The following MUC3A variants were observed in gnomAD, a reference collection of about 807,000 sequenced individuals.
MUC3A encodes the protein mucin 3A, cell surface associated.
In MUC3A, 109 loss-of-function variants were observed where a neutral mutation model predicts 109.0. The observed-to-expected ratio is 1.00, with a 90% CI of 0.86 to 1.17. The LOEUF (loss-of-function observed/expected upper bound fraction) is 1.17. Among genes scored for constraint, MUC3A ranks in the 50% most tolerant of loss-of-function variants. The probability of loss-of-function intolerance (pLI) is 0.00; values close to 1 mark genes in which losing one functional copy is unlikely to be tolerated. For missense variants in MUC3A, 3,537 were observed against 2,469.4 expected, an observed-to-expected ratio of 1.43 and a Z score of -9.16; for synonymous variants, 1,398 against 981.4, an observed-to-expected ratio of 1.42 and a Z score of -7.93.
intron 6 of MUC3A, 169 bp downstream of exon 6, chr7:100,965,012 G>T (rs761067093): frequency 8.4e-6 from 10 of 1,191,392 alleles, no homozygotes; most frequent in Non-Finnish European, 1.1e-5. Context: ...GCTAGGGAGG[G>T]TCTCCCCGTG....
At position 100,959,781 on chromosome 7, in the gene MUC3A, A is replaced by G; in HGVS notation, c.8002A>G (p.Thr2668Ala). ...TACAGAATCTTTCACTAGGGGAAGT[A>G]CGTCTACAAATGCAATCTTGACTTC... ...FTTESFTRGS[T>A]STNAILTSFS... The change falls in exon 2 of 12, where the codon ACG (threonine) becomes GCG (alanine). Residue 2668 changes from threonine to alanine, a missense_variant. Coordinates refer to ENST00000379458, the MANE Select transcript of MUC3A (RefSeq NM_005960.2). 6.3e-7 allele frequency: 1 copy of G among 1,597,142 alleles called. No individual in the cohort carries two copies. Among genetic ancestry groups the G allele is most frequent in the Non-Finnish European group, 8.5e-7 (1 of 1,179,054 alleles).
intron 3 of MUC3A, among the ~76,000 whole-genome samples, chr7:100,962,797 T>TTCTCTCTC (rs67170949): frequency 1.8e-4 from 26 of 143,316 alleles, no homozygotes; most frequent in Non-Finnish European, 3.2e-4. Context: ...CTTTCTTTCT[T>TTCTCTCTC]TCTCTCTCTC....
In MUC3A at chr7:100,965,991, C is replaced by G; in HGVS notation, c.9611+125C>G. 4 of 1,388,662 alleles carry G rather than the reference C, an allele frequency of 2.9e-6. No homozygotes were observed. In the South Asian group the frequency reaches 6.0e-5, roughly 21 times the overall value. 86.0% of individuals were successfully genotyped at this position (1,388,662 alleles called of 1,614,324 possible). A position where few individuals can be genotyped will look rare whatever the true frequency, so the allele number is the denominator to read the frequency against. ...ACAGTGGAGCCTCGTCCCCAGAGTG[C>G]CGCTCCAAGCCCATCCCCGTTGCCC... On this transcript the variant is annotated intron_variant, in intron 8 of 11. Coordinates refer to ENST00000379458, the MANE Select transcript of MUC3A (RefSeq NM_005960.2).
chr7:100,960,682 C>A (rs1056990072), intron 2 of MUC3A, 37 bp downstream of exon 2: 1 of 1,592,422 alleles, frequency 6.3e-7, no homozygotes, highest in Non-Finnish European at 8.5e-7. Flanking sequence ...CTCCTTCCTC[C>A]CCTGCAAAAT....
chr7:100,960,236 C>T lies in MUC3A; in HGVS notation c.8457C>T (p.Ile2819=), dbSNP rs767454241. 3 of 1,598,156 alleles carry T rather than the reference C, an allele frequency of 1.9e-6. No homozygotes were observed. The highest frequency in any genetic ancestry group is 3.3e-5 in the Admixed American group (2 of 60,002). Residue 2819 remains isoleucine (I), a synonymous_variant, in exon 2 of 12, where the codon ATC becomes ATT. Coordinates refer to ENST00000379458, the MANE Select transcript of MUC3A (RefSeq NM_005960.2). ...TTEMVTCPTS[I]SIQTTLTTYM... ...AAATGGTCACCTGTCCTACCTCCATCAGTATCCAAACTACTCTTACTACAT... is the reference window on the plus strand; with the variant it reads ...AAATGGTCACCTGTCCTACCTCCATTAGTATCCAAACTACTCTTACTACAT...
chr7:100,957,640 G>C lies in MUC3A; in HGVS notation c.5861G>C (p.Ser1954Thr). 2 of 1,170,680 alleles carry C rather than the reference G, an allele frequency of 1.7e-6. No individual in the cohort carries two copies. Among genetic ancestry groups the C allele is most frequent in the Non-Finnish European group, 2.1e-6 (2 of 959,258 alleles). 72.5% of individuals were successfully genotyped at this position (1,170,680 alleles called of 1,614,324 possible). Residue 1954 changes from serine (S) to threonine (T), a missense_variant, in exon 2 of 12, where the codon AGC (serine) becomes ACC (threonine). Transcript: ENST00000379458. ...ACCAATACCAAGACCACCTCACACA[G>C]CTCTCCCAGCTTCACTTCTTCGATC... ...SITNTKTTSH[S>T]SPSFTSSITT...
intron 7 of MUC3A, 124 bp from the exon 8 acceptor site, chr7:100,965,580 A>G: frequency 6.7e-7 from 1 of 1,492,472 alleles, no homozygotes; most frequent in Non-Finnish European, 8.9e-7. Flanking sequence ...CCCAGGGTCT[A>G]CCCCACAGCA....
At position 100,966,549 on chromosome 7, in the gene MUC3A, C is replaced by G; in HGVS notation, c.9775C>G (p.Arg3259Gly). 7.1e-7 allele frequency: 1 copy of G among 1,404,506 alleles called. No homozygotes were observed. The highest frequency in any genetic ancestry group is 2.8e-5 in the East Asian group (1 of 35,684). The allele number at this position is 1,404,506 out of a possible 1,614,324, so 87.0% of individuals were successfully genotyped here. ...AVRSGWWGGQRRGRSWDQDRK... is the reference protein window; with the variant it reads ...AVRSGWWGGQGRGRSWDQDRK... The stretch of plus-strand genomic sequence containing the variant: ...GCGCTCCGGATGGTGGGGCGGCCAG[C>G]GCCGAGGCCGGTGAGCGTGCGGGGG... Residue 3259 changes from arginine (R) to glycine (G), a missense_variant, in exon 9 of 12, where the codon CGC (arginine) becomes GGC (glycine). Transcript: ENST00000379458.
intron 3 of MUC3A, 109 bp downstream of exon 3, chr7:100,961,046 G>A: frequency 6.4e-7 from 1 of 1,564,080 alleles, no homozygotes; most frequent in South Asian, 1.2e-5. Flanking sequence ...TTTTTGCCCG[G>A]TCCTTCCCTC....
intron 3 of MUC3A, among the ~76,000 whole-genome samples, chr7:100,961,506 C>G (rs1001161346): frequency 3.9e-5 from 6 of 152,312 alleles, no homozygotes; most frequent in Non-Finnish European, 5.9e-5. Context: ...TGCCTCCTCC[C>G]CAAATAGTCT....
At position 100,966,411 on chromosome 7, in the gene MUC3A, T is replaced by C. The variant is rs1486807037; in HGVS notation, c.9637T>C (p.Phe3213Leu). ...CRCYSTDTHW[F>L]SGPRCEVAVH... ...CTGCTACTCCACCGACACGCACTGG[T>C]TCTCTGGCCCGCGCTGCGAGGTGGC... Residue 3213 changes from phenylalanine to leucine, a missense_variant, in exon 9 of 12, where the codon TTC becomes CTC. Coordinates refer to ENST00000379458, the MANE Select transcript of MUC3A (RefSeq NM_005960.2). The C allele has an allele frequency of 1.0e-5, 14 of 1,348,764 alleles. No homozygotes were observed. Among genetic ancestry groups the C allele is most frequent in the Non-Finnish European group, 1.2e-5 (13 of 1,056,804 alleles). 83.5% of individuals were successfully genotyped at this position (1,348,764 alleles called of 1,614,324 possible).
chr7:100,966,681 A>G lies in MUC3A; in HGVS notation c.9815A>G (p.Glu3272Gly). 1 of 1,598,556 alleles carries G rather than the reference A, an allele frequency of 6.3e-7. No homozygotes were observed. Among genetic ancestry groups the G allele is most frequent in the Non-Finnish European group, 8.5e-7 (1 of 1,179,832 alleles). ...RSWDQDRKWF[E>G]TWDEEVVGTF... Reference sequence around the variant, plus strand: ...TGGGACCAGGACAGGAAATGGTTCGAGACCTGGGATGAGGAAGTCGTGGGC... The same window carrying G: ...TGGGACCAGGACAGGAAATGGTTCGGGACCTGGGATGAGGAAGTCGTGGGC... Residue 3272 changes from glutamate (E) to glycine (G), a missense_variant, in exon 10 of 12, where the codon GAG (glutamate) becomes GGG (glycine). Glu to Gly is a moderately conservative substitution (Grantham distance 98). Coordinates refer to ENST00000379458, the MANE Select transcript of MUC3A (RefSeq NM_005960.2).
intron 10 of MUC3A, 76 bp from the exon 11 acceptor site, chr7:100,966,823 C>T (rs1001416299): frequency 1.5e-5 from 24 of 1,598,266 alleles, no homozygotes; most frequent in South Asian, 5.5e-5. Flanking sequence ...CTGCCTTCCT[C>T]GCATTTACTC....
chr7:100,963,935 G>A, intron 5 of MUC3A, 183 bp downstream of exon 5: 1 of 826,476 alleles, frequency 1.2e-6, no homozygotes, highest in South Asian at 1.7e-5. Context: ...CTGGAGGAGG[G>A]GTGGCACCTC....
At chr7:100,949,768 G>C in intron 1 of MUC3A, 83 bp downstream of exon 1, 1 of 1,353,716 alleles carries the variant, frequency 7.4e-7, no homozygotes, top group Non-Finnish European at 9.8e-7. Context: ...TGGCTGTAAG[G>C]CCTGGGGAGG....
Position 100,959,210 on chromosome 7 carries a change from A to G in MUC3A, c.7431A>G (p.Pro2477=). The G allele has an allele frequency of 2.5e-6, 4 of 1,598,512 alleles. No individual in the cohort carries two copies. The highest frequency in any genetic ancestry group is 2.5e-6 in the Non-Finnish European group (3 of 1,179,806). The change falls in exon 2 of 12, where the codon CCA becomes CCG. Residue 2477 remains proline (P), a synonymous_variant. Transcript: ENST00000379458. Reference sequence around the variant, plus strand: ...CGGTGACTCCCACACCTGTAACCCCATCTTCTCTGAGTACAGACATCCCGA... The same window carrying G: ...CGGTGACTCCCACACCTGTAACCCCGTCTTCTCTGAGTACAGACATCCCGA... ...ETAVTPTPVT[P]SSLSTDIPTT...
chr7:100,966,326 G>A (rs1792554757), intron 8 of MUC3A, 60 bp from the exon 9 acceptor site: 2 of 1,246,296 alleles, frequency 1.6e-6, no homozygotes, highest in South Asian at 3.7e-5. Context: ...CGGGGCCCAG[G>A]TGCACGGGTG....
chr7:100,960,312 A>G lies in MUC3A; in HGVS notation c.8533A>G (p.Asn2845Asp), dbSNP rs758095201. 2 of 1,598,544 alleles carry G rather than the reference A, an allele frequency of 1.3e-6. No homozygotes were observed. The highest frequency in any genetic ancestry group is 1.1e-5 in the South Asian group (1 of 91,092). Residue 2845 changes from asparagine (N) to aspartate (D), a missense_variant, in exon 2 of 12, where the codon AAT becomes GAT. Asn to Asp is a conservative substitution (Grantham distance 23). Coordinates refer to ENST00000379458, the MANE Select transcript of MUC3A (RefSeq NM_005960.2). ...MPESESSISP[N>D]ASSSTGTGTV... ...AGAAAGTGAGTCCAGCATCTCACCC[A>G]ATGCTTCCAGTTCCACTGGCACTGG...
Position 100,959,052 on chromosome 7 carries a change from G to T in MUC3A, c.7273G>T (p.Gly2425Cys). 5.7e-6 allele frequency: 8 copies of T among 1,397,312 alleles called. No homozygotes were observed. The South Asian group carries it at 7.8e-5, about 14-fold the overall frequency. 86.6% of individuals were successfully genotyped at this position (1,397,312 alleles called of 1,614,324 possible). The part of the protein sequence containing the change: ...TTETTSHSTP[G>C]FTSSITTTET... ...TGAGACTACCTCACACAGTACTCCT[G>T]GCTTCACTTCTTCAATCACCACCAC... Residue 2425 changes from glycine to cysteine, a missense_variant, in exon 2 of 12, where the codon GGC becomes TGC. Coordinates refer to ENST00000379458, the MANE Select transcript of MUC3A (RefSeq NM_005960.2).
Sources: allele counts gnomAD v4.1 joint callset (sites outside exome capture counted in the v4.1 genomes callset), GRCh38; gene constraint gnomAD v4.1.1; transcripts MANE v1.5; gene names NCBI Gene and HGNC (gene_info 2026-07-23, HGNC 2026-07-21).